The following C5orf24 variants were observed in gnomAD, a reference collection of about 807,000 sequenced individuals.
The protein encoded by C5orf24 is chromosome 5 open reading frame 24.
C5orf24 carries 4 observed loss-of-function variants against 9.8 expected under a neutral mutation model. The observed-to-expected ratio is 0.41, with a 90% CI of 0.20 to 0.93. The LOEUF is 0.93. Ranked by LOEUF, C5orf24 falls within the 40% of genes least tolerant of loss-of-function variation. The probability of loss-of-function intolerance (pLI) is 0.33; values close to 1 mark genes in which losing one functional copy is unlikely to be tolerated. For synonymous variants in C5orf24, 73 were observed against 81.3 expected (o/e 0.90, Z 0.55); for missense variants, 170 against 236.9 (o/e 0.72, Z 1.85).
chr5:134,851,721 G>A lies in C5orf24; in HGVS notation c.-3-3177G>A, dbSNP rs183062218. The stretch of plus-strand genomic sequence containing the variant: ...CATTTCCTAATGTGTGACCCTGGCA[G>A]AATGCTTAAAGTCTGTAAAATAATA... On this transcript the variant is annotated intron_variant, in intron 1 of 1. Transcript: ENST00000394976. Among the ~76,000 whole-genome samples the A allele has an allele frequency of 1.6e-3, 239 of 152,300 alleles. 1 individual carries two copies. The highest frequency in any genetic ancestry group is 6.8e-3 in the Middle Eastern group (2 of 294).
chr5:134,848,109 G>C (rs1287828774), intron 1 of C5orf24, among the ~76,000 whole-genome samples: 1 of 149,738 alleles, frequency 6.7e-6, no homozygotes, highest in Non-Finnish European at 1.5e-5. Context: ...TCAGGAGATC[G>C]AGACCATCCT....
chr5:134,852,960 T>C (rs555634606), intron 1 of C5orf24, among the ~76,000 whole-genome samples: 2 of 152,084 alleles, frequency 1.3e-5, no homozygotes, highest in African/African-American at 4.8e-5. Context: ...GGTCAGGAGA[T>C]CAAGACCATC....
chr5:134,844,688 T>G (rs1007717145), upstream of C5orf24, among the ~76,000 whole-genome samples: 3 of 152,170 alleles, frequency 2.0e-5, no homozygotes, highest in African/African-American at 7.2e-5. Context: ...AAATCCTAGC[T>G]TCCCAACCAG....
intron 1 of C5orf24, among the ~76,000 whole-genome samples, chr5:134,853,462 A>T (rs1441293339): frequency 1.4e-5 from 2 of 147,828 alleles, no homozygotes; most frequent in African/African-American, 2.5e-5. Context: ...CCTTTATATA[A>T]AAAAAAAAAA....
At chr5:134,852,512 T>C (rs1368559275) in intron 1 of C5orf24, among the ~76,000 whole-genome samples, 1 of 152,216 alleles carries the variant, frequency 6.6e-6, no homozygotes, top group African/African-American at 2.4e-5. Context: ...CTAAAGTAAG[T>C]TTACAGTGGT....
the C5orf24 span, among the ~76,000 whole-genome samples, chr5:134,838,611 C>T: frequency 6.6e-6 from 1 of 152,022 alleles, no homozygotes. Context: ...CACCACATTC[C>T]AGCCTAAGTG....
intron 1 of C5orf24, among the ~76,000 whole-genome samples, chr5:134,847,898 G>C (rs1213711327): frequency 6.6e-6 from 1 of 152,032 alleles, no homozygotes; most frequent in Non-Finnish European, 1.5e-5. Context: ...GGGTTTCGCT[G>C]TGTTATCCAG....
the C5orf24 span, among the ~76,000 whole-genome samples, chr5:134,840,222 G>A: frequency 1.3e-5 from 2 of 148,340 alleles, no homozygotes; most frequent in East Asian, 4.1e-4. Flanking sequence ...CAGGGGAATC[G>A]CTTGAACCCG....
chr5:134,849,647 CTTTTTTTTTTTTT>C (rs35375521), intron 1 of C5orf24, among the ~76,000 whole-genome samples: 2 of 76,976 alleles, frequency 2.6e-5, no homozygotes, highest in South Asian at 6.9e-4. Context: ...AAGTCAGTGT[CTTTTTTTTTTTTT>C]TTTTTTTTTT....
chr5:134,847,912 A>G (rs1756041205), intron 1 of C5orf24, among the ~76,000 whole-genome samples: 1 of 152,088 alleles, frequency 6.6e-6, no homozygotes, highest in African/African-American at 2.4e-5. Flanking sequence ...TATCCAGGCC[A>G]GGCTACTCTG....
Position 134,852,982 on chromosome 5 carries a change from G to A in C5orf24, c.-3-1916G>A, listed in dbSNP as rs556697615. Among the ~76,000 whole-genome samples the A allele has an allele frequency of 3.9e-5, 6 of 152,124 alleles. No homozygotes were observed. The South Asian group carries it at 1.2e-3, about 31-fold the overall frequency. On this transcript the variant is annotated intron_variant, in intron 1 of 1. Coordinates refer to ENST00000394976, the MANE Select transcript of C5orf24 (RefSeq NM_001135586.1). ...AGATCAAGACCATCCTGGCTAACAC[G>A]GTGAAACCCCATCTCTACTAAAAAT... is the stretch of plus-strand genomic sequence containing the variant.
intron 1 of C5orf24, among the ~76,000 whole-genome samples, chr5:134,853,696 G>A (rs1048500033): frequency 6.6e-6 from 1 of 152,002 alleles, no homozygotes; most frequent in African/African-American, 2.4e-5. Flanking sequence ...AGGGCTTGTG[G>A]TGTAAGGGAA....
chr5:134,853,551 T>C (rs1159122842), intron 1 of C5orf24, among the ~76,000 whole-genome samples: 2 of 143,728 alleles, frequency 1.4e-5, no homozygotes, highest in African/African-American at 2.7e-5. Flanking sequence ...TTTTTTTTTT[T>C]CTATTTCAAG....
chr5:134,850,023 A>G (rs965261603), intron 1 of C5orf24, among the ~76,000 whole-genome samples: 1 of 152,176 alleles, frequency 6.6e-6, no homozygotes, highest in Non-Finnish European at 1.5e-5. Context: ...TGTGCTTAGA[A>G]TAGTGTTTTG....
At chr5:134,844,323 GATTA>G (rs1755942113), upstream of C5orf24, among the ~76,000 whole-genome samples, 1 of 152,058 alleles carries the variant, frequency 6.6e-6, no homozygotes, top group Non-Finnish European at 1.5e-5. Flanking sequence ...ACACTAGCAT[GATTA>G]ATCCTGTTTT....
Position 134,857,649 on chromosome 5 carries a change from C to T in C5orf24, c.*2182C>T. 1 of 380,012 alleles carries T rather than the reference C, an allele frequency of 2.6e-6. No individual in the cohort carries two copies. The highest frequency in any genetic ancestry group is 4.2e-5 in the East Asian group (1 of 23,860). The allele number at this position is 380,012 out of a possible 1,614,324, so 23.5% of individuals were successfully genotyped here. A position where few individuals can be genotyped will look rare whatever the true frequency, so the allele number is the denominator to read the frequency against. The stretch of plus-strand genomic sequence containing the variant: ...TTACTCAGAACAGTATAACTTCTGA[C>T]ACACACAAATGCTTGCCTCTTTATT... On this transcript the variant is annotated 3_prime_UTR_variant, in exon 2 of 2. Transcript: ENST00000394976.
rs1755986647 is a variant in C5orf24, at chr5:134,846,143, G to GC, written c.-71dup. 1 of 151,870 alleles carries GC rather than the reference G, an allele frequency of 6.6e-6. No homozygotes were observed. Among genetic ancestry groups the GC allele is most frequent in the African/African-American group, 2.4e-5 (1 of 41,248 alleles). 9.4% of individuals were successfully genotyped at this position (151,870 alleles called of 1,614,324 possible). A position where few individuals can be genotyped will look rare whatever the true frequency, so the allele number is the denominator to read the frequency against. On this transcript the variant is annotated 5_prime_UTR_variant, in exon 1 of 2. Coordinates refer to ENST00000394976, the MANE Select transcript of C5orf24 (RefSeq NM_001135586.1). ...GGCGGCGGGCTGGGGAGGGAGCGGC[G>GC]CCAGCACGAGGTTCCCAGCCGCTGG...
chr5:134,855,734 C>T lies in C5orf24; in HGVS notation c.*267C>T. ...TTTTCCTTTAGAGTTATGGTCATGT[C>T]TCATGTTTCATTACTACTTTGGGGC... On this transcript the variant is annotated 3_prime_UTR_variant, in exon 2 of 2. Transcript: ENST00000394976. 3 of 1,326,204 alleles carry T rather than the reference C, an allele frequency of 2.3e-6. No homozygotes were observed. Among genetic ancestry groups the T allele is most frequent in the Non-Finnish European group, 2.9e-6 (3 of 1,031,880 alleles). 82.2% of individuals were successfully genotyped at this position (1,326,204 alleles called of 1,614,324 possible). A position where few individuals can be genotyped will look rare whatever the true frequency, so the allele number is the denominator to read the frequency against.
rs373302777 is a variant in C5orf24 at position 134,855,037 on chromosome 5, T to G, written c.137T>G (p.Val46Gly). ...SSQQSKYSHT[V>G]NHKPMVCQRQ... is the part of the protein sequence containing the mutation. Reference sequence around the variant, plus strand: ...CAGCAAAGCAAATACAGCCACACAGTCAACCACAAACCAATGGTTTGTCAG... The same window carrying G: ...CAGCAAAGCAAATACAGCCACACAGGCAACCACAAACCAATGGTTTGTCAG... The change falls in exon 2 of 2, where the codon GTC (valine) becomes GGC (glycine). Residue 46 changes from valine to glycine, a missense_variant. Val to Gly is a moderately radical substitution (Grantham distance 109, BLOSUM62 -3). Transcript: ENST00000394976. 4.3e-6 allele frequency: 7 copies of G among 1,614,020 alleles called. No individual in the cohort carries two copies.
Sources: allele counts gnomAD v4.1 joint callset (sites outside exome capture counted in the v4.1 genomes callset), GRCh38; gene constraint gnomAD v4.1.1; transcripts MANE v1.5; gene names NCBI Gene and HGNC (gene_info 2026-07-23, HGNC 2026-07-21).